The following PTPN21 variants were observed in gnomAD, a reference collection of about 807,000 sequenced individuals.
PTPN21 encodes tyrosine-protein phosphatase non-receptor type 21.
A neutral mutation model predicts 131.8 loss-of-function variants in PTPN21; 77 were observed. The ratio of observed to expected loss-of-function variants is 0.58; its 90% CI spans 0.49 to 0.71. The LOEUF (loss-of-function observed/expected upper bound fraction) is 0.71. Ranked by LOEUF, PTPN21 falls within the 30% of genes least tolerant of loss-of-function variation. PTPN21 has a pLI of 0.00. For synonymous variants in PTPN21, 715 were observed against 621.3 expected (o/e 1.15, Z -2.24); for missense variants, 1,552 against 1,527.1 (o/e 1.02, Z -0.27).
chr14:88,549,986 A>G (rs917051471), intron 2 of PTPN21, among the ~76,000 whole-genome samples: 2 of 152,010 alleles, frequency 1.3e-5, no homozygotes, highest in African/African-American at 4.8e-5. Context: ...GGGTTTCACC[A>G]TATTGGCCAG....
intron 2 of PTPN21, among the ~76,000 whole-genome samples, chr14:88,543,873 G>A (rs887929778): frequency 6.6e-6 from 1 of 152,042 alleles, no homozygotes; most frequent in African/African-American, 2.4e-5. Flanking sequence ...ATGTATGAAG[G>A]CCATATATGG....
Position 88,469,195 on chromosome 14 carries a change from C to CAG in PTPN21, c.3236-121_3236-120dup, listed in dbSNP as rs764330613. 6.8e-6 allele frequency: 8 copies of CAG among 1,169,266 alleles called. No homozygotes were observed. In the East Asian group the frequency reaches 1.0e-4, roughly 15 times the overall value. The allele number at this position is 1,169,266 out of a possible 1,614,324, so 72.4% of individuals were successfully genotyped here. ...ACTGCAGATAAAGAGCACTGGGTGC[C>CAG]AGTGAACCAAACCCAACCACAAAGG... On this transcript the variant is annotated intron_variant, in intron 17 of 18. Coordinates refer to ENST00000556564, the MANE Select transcript of PTPN21 (RefSeq NM_007039.4). This position sits in a 1 kb window ranked among gnomAD's most constrained non-coding sequence, Gnocchi z 4.3.
intron 2 of PTPN21, among the ~76,000 whole-genome samples, chr14:88,521,887 A>G (rs1346396374): frequency 1.3e-5 from 2 of 152,176 alleles, no homozygotes; most frequent in Non-Finnish European, 2.9e-5. Context: ...ACTGTAATAT[A>G]ATTTAAAAAA....
intron 12 of PTPN21, among the ~76,000 whole-genome samples, chr14:88,482,405 A>G (rs1395528747): frequency 6.6e-6 from 1 of 152,082 alleles, no homozygotes; most frequent in African/African-American, 2.4e-5. Flanking sequence ...TGGGCAGATC[A>G]CCCAAGGTCG....
At chr14:88,545,857 G>A (rs2078769535) in intron 2 of PTPN21, among the ~76,000 whole-genome samples, 1 of 151,966 alleles carries the variant, frequency 6.6e-6, no homozygotes, top group Non-Finnish European at 1.5e-5. Context: ...TTACTTGGGA[G>A]GCTGAGACAG....
At position 88,479,981 on chromosome 14, in the gene PTPN21, T is replaced by A. The variant is rs1353923245; in HGVS notation, c.1450A>T (p.Ser484Cys). The change falls in exon 13 of 19, where the codon AGC becomes TGC. Residue 484 changes from serine (S) to cysteine (C), a missense_variant. Around this residue, in one of 4 missense-constraint regions of PTPN21, gnomAD observed 1,016 missense variants for 883.5 expected, o/e 1.15. Transcript: ENST00000556564. The part of the protein sequence containing the change: ...NLNIGSSYAY[S>C]RPAALVYSQP... Reference sequence around the variant, plus strand: ...CTGTAGACCAGCGCCGCGGGCCTGCTGTAGGCGTACGAGCTGCCGATGTTG... The same window carrying A: ...CTGTAGACCAGCGCCGCGGGCCTGCAGTAGGCGTACGAGCTGCCGATGTTG... The A allele has an allele frequency of 2.5e-6, 4 of 1,611,024 alleles. No homozygotes were observed. The highest frequency in any genetic ancestry group is 3.4e-6 in the Non-Finnish European group (4 of 1,180,014).
chr14:88,472,499 C>T (rs1453772273), intron 14 of PTPN21, 34 bp from the exon 15 acceptor site: 2 of 1,348,594 alleles, frequency 1.5e-6, no homozygotes, highest in East Asian at 4.6e-5. Flanking sequence ...AACATGAATA[C>T]AGCCACACGT....
At chr14:88,545,054 T>C (rs544662158) in intron 2 of PTPN21, among the ~76,000 whole-genome samples, 5 of 152,096 alleles carry the variant, frequency 3.3e-5, no homozygotes, top group Non-Finnish European at 5.9e-5. Flanking sequence ...AGGCTGGTCT[T>C]GAACTCCTGA....
intron 2 of PTPN21, among the ~76,000 whole-genome samples, chr14:88,523,160 C>T (rs370642386): frequency 6.6e-5 from 10 of 151,856 alleles, no homozygotes; most frequent in African/African-American, 2.4e-4. Context: ...AACTATAGAC[C>T]GACATCCCTT....
intron 2 of PTPN21, among the ~76,000 whole-genome samples, chr14:88,546,667 T>C (rs973480716): frequency 9.2e-5 from 14 of 152,192 alleles, no homozygotes; most frequent in Admixed American, 8.5e-4. Context: ...ATTTGGACAG[T>C]AGCAAAGTTT....
intron 2 of PTPN21, among the ~76,000 whole-genome samples, chr14:88,546,433 GGGCATGGTGGTA>G (rs1180368369): frequency 2.6e-5 from 4 of 151,400 alleles, no homozygotes; most frequent in African/African-American, 9.7e-5. Context: ...AAAATTAGCC[GGGCATGGTGGTA>G]GGCACCTGTA....
intron 2 of PTPN21, among the ~76,000 whole-genome samples, chr14:88,537,933 C>T (rs1328012160): frequency 6.6e-6 from 1 of 152,144 alleles, no homozygotes; most frequent in Admixed American, 6.5e-5. Flanking sequence ...TGTATCTACA[C>T]TTATGTAAAC....
At position 88,500,792 on chromosome 14, in the gene PTPN21, A is replaced by G; in HGVS notation, c.755T>C (p.Val252Ala). The G allele has an allele frequency of 6.2e-7, 1 of 1,610,538 alleles. No individual in the cohort carries two copies. The highest frequency in any genetic ancestry group is 8.5e-7 in the Non-Finnish European group (1 of 1,176,722). The change falls in exon 8 of 19, where the codon GTG becomes GCG. Residue 252 changes from valine to alanine, a missense_variant. By Grantham distance (64) the Val-to-Ala change is moderately conservative (BLOSUM62 0). Transcript: ENST00000556564. ...GAGGTAAGAAAAATACCTAAATACC[A>G]CAGGATGCCTTCCATTCTTGTGTTT... ...FVKHKNGRHP[V>A]VFRWHDIANM... is the part of the protein sequence containing the mutation.
chr14:88,492,934 A>G (rs771011450), intron 10 of PTPN21: 1 of 361,676 alleles, frequency 2.8e-6, no homozygotes, highest in African/African-American at 2.1e-5. Flanking sequence ...AGCTTCATCA[A>G]ACAAGAGAGA....
At chr14:88,473,574 A>C in intron 14 of PTPN21, 91 bp downstream of exon 14, 1 of 1,453,590 alleles carries the variant, frequency 6.9e-7, no homozygotes, top group Non-Finnish European at 9.3e-7. Flanking sequence ...AAATTGTGTT[A>C]GAAAATTCAC....
At chr14:88,490,884 A>G (rs1022017784) in intron 10 of PTPN21, among the ~76,000 whole-genome samples, 1 of 152,140 alleles carries the variant, frequency 6.6e-6, no homozygotes, top group African/African-American at 2.4e-5. Flanking sequence ...TCCTCACAGA[A>G]AAGAGCAGGG....
At chr14:88,502,676 C>A (rs559265943) in intron 6 of PTPN21, among the ~76,000 whole-genome samples, 1 of 152,108 alleles carries the variant, frequency 6.6e-6, no homozygotes, top group African/African-American at 2.4e-5. Context: ...TGACAAAAGG[C>A]AGGACAATGT....
In PTPN21 at chr14:88,485,072, T is replaced by A. The variant is rs768350204; in HGVS notation, c.1078+4A>T. 6.3e-7 allele frequency: 1 copy of A among 1,574,974 alleles called. No individual in the cohort carries two copies. Among genetic ancestry groups the A allele is most frequent in the South Asian group, 1.1e-5 (1 of 90,248 alleles). On this transcript the variant is annotated splice_donor_region_variant and intron_variant, in intron 12 of 18. Transcript: ENST00000556564. The stretch of plus-strand genomic sequence containing the variant: ...TAAGGCATGGCAGAAACAGTGTACT[T>A]TACCTTGGGAAGAAGCATATGGTTC...
At chr14:88,519,401 G>A (rs997464707) in intron 2 of PTPN21, among the ~76,000 whole-genome samples, 42 of 152,172 alleles carry the variant, frequency 2.8e-4, no homozygotes, top group Non-Finnish European at 1.0e-4. Flanking sequence ...TACTTGAAAT[G>A]TGGTAGTGCC....
Sources: allele counts gnomAD v4.1 joint callset (sites outside exome capture counted in the v4.1 genomes callset), GRCh38; gene constraint gnomAD v4.1.1; regional missense constraint gnomAD v4.1.1; non-coding constraint Gnocchi (gnomAD v3.1); transcripts MANE v1.5; gene names NCBI Gene and HGNC (gene_info 2026-07-23, HGNC 2026-07-21).